RPH3A: variants seen among roughly 807,000 people sequenced by gnomAD.
RPH3A encodes rabphilin 3A.
Under a neutral mutation model 102.2 loss-of-function variants are expected in RPH3A, and 48 were observed. That is an observed-to-expected ratio of 0.47 (90% CI 0.37 to 0.60). The LOEUF (loss-of-function observed/expected upper bound fraction) is 0.60, where lower values mean the gene tolerates loss of function less well. Ranked by LOEUF, RPH3A falls within the 20% of genes least tolerant of loss-of-function variation. The probability of loss-of-function intolerance (pLI) is 0.00; values close to 1 mark genes in which losing one functional copy is unlikely to be tolerated. For synonymous variants in RPH3A, 310 were observed against 324.3 expected (o/e 0.96, Z 0.47); for missense variants, 781 against 910.1 (o/e 0.86, Z 1.83).
chr12:112,828,940 A>G (rs1340059465), intron 3 of RPH3A, among the ~76,000 whole-genome samples: 1 of 152,276 alleles, frequency 6.6e-6, no homozygotes, highest in Non-Finnish European at 1.5e-5. Flanking sequence ...CAATTTTGCC[A>G]ACAGTTCAAC....
At chr12:112,676,349 G>A (rs1404814193) in intron 1 of RPH3A, among the ~76,000 whole-genome samples, 1 of 152,184 alleles carries the variant, frequency 6.6e-6, no homozygotes, top group African/African-American at 2.4e-5. Flanking sequence ...TCATTTCTGA[G>A]GTTCCCTACC....
At chr12:112,865,700 C>T in intron 6 of RPH3A, 157 bp downstream of exon 6, 1 of 708,792 alleles carries the variant, frequency 1.4e-6, no homozygotes, top group Non-Finnish European at 2.2e-6. Context: ...CTTCCATGCC[C>T]TACTGTCTTC....
chr12:112,686,546 G>A (rs2158241), intron 1 of RPH3A, among the ~76,000 whole-genome samples: 37,414 of 152,064 alleles, frequency 0.25, 4,962 homozygotes, highest in Admixed American at 0.32. Context: ...ATCAGCCTGG[G>A]CTAGCCTGCT....
At chr12:112,882,748 C>A (rs1414165460) in intron 15 of RPH3A, among the ~76,000 whole-genome samples, 1 of 152,226 alleles carries the variant, frequency 6.6e-6, no homozygotes, top group Non-Finnish European at 1.5e-5. Context: ...CTCCTAATAG[C>A]CAAAGCTGCT....
chr12:112,717,723 T>C (rs935872234), intron 1 of RPH3A, among the ~76,000 whole-genome samples: 1 of 146,340 alleles, frequency 6.8e-6, no homozygotes, highest in Non-Finnish European at 1.5e-5. Context: ...AATATAGGTT[T>C]TCATTTTTTT....
chr12:112,787,233 G>A (rs145418683), upstream of RPH3A, among the ~76,000 whole-genome samples: 30 of 152,244 alleles, frequency 2.0e-4, no homozygotes, highest in East Asian at 5.4e-3. Flanking sequence ...GCCACTTAAG[G>A]TAATCTATTA....
In RPH3A at chr12:112,879,276, C is replaced by G. The variant is rs751868741; in HGVS notation, c.1251+78C>G. 14 of 1,208,798 alleles carry G rather than the reference C, an allele frequency of 1.2e-5. No homozygotes were observed. The African/African-American group carries it at 2.1e-4, about 18-fold the overall frequency. The allele number at this position is 1,208,798 out of a possible 1,614,324, so 74.9% of individuals were successfully genotyped here. A position where few individuals can be genotyped will look rare whatever the true frequency, so the allele number is the denominator to read the frequency against. Reference sequence around the variant, plus strand: ...GGAGACTCAGATGGGGATGGATGACCAGGCCTGTCTCCTGTTGTTGCTTGT... The same window carrying G: ...GGAGACTCAGATGGGGATGGATGACGAGGCCTGTCTCCTGTTGTTGCTTGT... On this transcript the variant is annotated intron_variant, in intron 14 of 21. Coordinates refer to ENST00000389385, the MANE Select transcript of RPH3A (RefSeq NM_001143854.2).
intron 1 of RPH3A, among the ~76,000 whole-genome samples, chr12:112,612,049 A>G (rs1198235129): frequency 2.0e-5 from 3 of 152,240 alleles, no homozygotes; most frequent in Non-Finnish European, 4.4e-5. Flanking sequence ...AATCCGGGCT[A>G]TAAAGACTCC....
chr12:112,894,160 A>C, intron 19 of RPH3A: 1 of 203,852 alleles, frequency 4.9e-6, no homozygotes, highest in Non-Finnish European at 9.6e-6. Flanking sequence ...GATTGGGGGC[A>C]GCCTAAGGTG....
chr12:112,643,168 C>T (rs528838163), intron 1 of RPH3A, among the ~76,000 whole-genome samples: 1 of 152,304 alleles, frequency 6.6e-6, no homozygotes, highest in South Asian at 2.1e-4. Context: ...GCTCCCGAAT[C>T]TGTGCATTTA....
intron 3 of RPH3A, among the ~76,000 whole-genome samples, chr12:112,833,431 A>T (rs759078405): frequency 9.9e-5 from 15 of 152,140 alleles, no homozygotes; most frequent in Non-Finnish European, 2.2e-4. Context: ...TTCATTCATA[A>T]TTACTTGCGC....
At chr12:112,831,686 G>A in intron 3 of RPH3A, 1 of 377,280 alleles carries the variant, frequency 2.7e-6, no homozygotes, top group South Asian at 2.0e-5. Flanking sequence ...AAATTCTGTT[G>A]GTAAGCTCTC....
At chr12:112,876,399 T>C (rs1395638104) in intron 12 of RPH3A, among the ~76,000 whole-genome samples, 1 of 152,152 alleles carries the variant, frequency 6.6e-6, no homozygotes, top group Non-Finnish European at 1.5e-5. Flanking sequence ...ATGGCCAAGA[T>C]TCAAACCCAG....
At chr12:112,840,017 C>T (rs186963780) in intron 4 of RPH3A, among the ~76,000 whole-genome samples, 6 of 152,128 alleles carry the variant, frequency 3.9e-5, no homozygotes, top group Admixed American at 6.6e-5. Flanking sequence ...AGAAGATAGA[C>T]CCTGACTCTT....
At chr12:112,745,979 A>T (rs1042882490) in intron 1 of RPH3A, among the ~76,000 whole-genome samples, 3 of 151,858 alleles carry the variant, frequency 2.0e-5, no homozygotes, top group African/African-American at 7.3e-5. Flanking sequence ...TCCCCGAGGA[A>T]ATCCAGGAAG....
At chr12:112,840,325 A>T (rs1030402097) in intron 4 of RPH3A, among the ~76,000 whole-genome samples, 1 of 152,218 alleles carries the variant, frequency 6.6e-6, no homozygotes, top group Non-Finnish European at 1.5e-5. Context: ...ATTTGTGTTG[A>T]GAACATTTTA....
At chr12:112,702,967 C>T (rs932316126) in intron 1 of RPH3A, among the ~76,000 whole-genome samples, 6 of 152,184 alleles carry the variant, frequency 3.9e-5, no homozygotes, top group African/African-American at 1.4e-4. Context: ...GACTTGTCCA[C>T]TCTGATGCTA....
At chr12:112,677,461 C>T (rs1025459188) in intron 1 of RPH3A, among the ~76,000 whole-genome samples, 1 of 138,000 alleles carries the variant, frequency 7.2e-6, no homozygotes, top group African/African-American at 2.8e-5. Context: ...TTCCTTCCTT[C>T]CTTCCTTCCT....
At chr12:112,669,413 G>GA (rs1485031590) in intron 1 of RPH3A, among the ~76,000 whole-genome samples, 4 of 152,196 alleles carry the variant, frequency 2.6e-5, no homozygotes, top group Non-Finnish European at 5.9e-5. Context: ...TCAAAGAAAT[G>GA]TTGGCCAAAA....
Sources: gnomAD v4.1 joint callset for allele counts (sites outside exome capture counted in the v4.1 genomes callset) on GRCh38, gnomAD v4.1.1 for gene constraint, MANE v1.5 for transcripts, NCBI Gene and HGNC (gene_info 2026-07-23, HGNC 2026-07-21) for gene names.